The following INPP5A variants were observed in gnomAD, a reference collection of about 807,000 sequenced individuals.
INPP5A encodes the protein inositol polyphosphate-5-phosphatase A, also known as 43 kDa inositol polyphosphate 5-phophatase.
A neutral mutation model predicts 65.2 loss-of-function variants in INPP5A; 14 were observed. The ratio of observed to expected loss-of-function variants is 0.21; its 90% CI spans 0.14 to 0.34. INPP5A has a LOEUF of 0.34. Ranked by LOEUF, INPP5A falls within the 10% of genes least tolerant of loss-of-function variation. The pLI is 1.00. For synonymous variants in INPP5A, 207 were observed against 208.3 expected, an observed-to-expected ratio of 0.99 and a Z score of 0.05; for missense variants, 431 against 545.6, an observed-to-expected ratio of 0.79 and a Z score of 2.09.
At chr10:132,750,975 G>A (rs1828978228) in intron 11 of INPP5A, among the ~76,000 whole-genome samples, 1 of 152,210 alleles carries the variant, frequency 6.6e-6, no homozygotes, top group Non-Finnish European at 1.5e-5. Flanking sequence ...GGGTTTGGGG[G>A]CTTATGGGTG....
rs775083023 is a variant in INPP5A, at chr10:132,736,189, G to T, written c.732+9284G>T. Among the ~76,000 whole-genome samples, 22 of 152,252 alleles carry T rather than the reference G, an allele frequency of 1.4e-4. 1 individual carries two copies. The highest frequency in any genetic ancestry group is 1.5e-5 in the Non-Finnish European group (1 of 68,040). Reference sequence around the variant, plus strand: ...GTCAGTGATGCAGCCTGCGGCTCCAGCTGCTGCTGGGATGTTCAGAGGGTG... The same window carrying T: ...GTCAGTGATGCAGCCTGCGGCTCCATCTGCTGCTGGGATGTTCAGAGGGTG... On this transcript the variant is annotated intron_variant, in intron 9 of 15. Coordinates refer to ENST00000368594, the MANE Select transcript of INPP5A (RefSeq NM_005539.5).
rs1329958684 is a variant in INPP5A, at chr10:132,762,406, G to T, written c.904-3367G>T. On this transcript the variant is annotated intron_variant, in intron 11 of 15. Coordinates refer to ENST00000368594, the MANE Select transcript of INPP5A (RefSeq NM_005539.5). The surrounding 1 kb of genome is among the most constrained non-coding windows in gnomAD (Gnocchi z 4.6). ...GAATGCAAGTGGCGGCGGGTTTCCAGAACAACCACAAAAATACACACCAGG... is the reference window on the plus strand; with the variant it reads ...GAATGCAAGTGGCGGCGGGTTTCCATAACAACCACAAAAATACACACCAGG... Among the ~76,000 whole-genome samples the T allele has an allele frequency of 6.6e-6, 1 of 152,210 alleles. No individual in the cohort carries two copies. Among genetic ancestry groups the T allele is most frequent in the Non-Finnish European group, 1.5e-5 (1 of 68,046 alleles).
chr10:132,543,359 G>T (rs550561968), intron 1 of INPP5A, among the ~76,000 whole-genome samples: 2 of 152,018 alleles, frequency 1.3e-5, no homozygotes, highest in African/African-American at 4.8e-5. Flanking sequence ...TTCACTGAGC[G>T]TATGTAAAAG....
chr10:132,646,558 T>C (rs1404565471), intron 3 of INPP5A, among the ~76,000 whole-genome samples: 1 of 152,152 alleles, frequency 6.6e-6, no homozygotes, highest in African/African-American at 2.4e-5. Context: ...TCCTATAGGC[T>C]GTTGCTAATA....
chr10:132,647,398 A>G (rs933578973), intron 3 of INPP5A, among the ~76,000 whole-genome samples: 51 of 152,184 alleles, frequency 3.4e-4, no homozygotes, highest in African/African-American at 1.2e-3. Flanking sequence ...GATTACAGGC[A>G]TGAACCACCA....
chr10:132,643,935 T>C (rs1038569641), intron 2 of INPP5A, among the ~76,000 whole-genome samples: 2 of 152,122 alleles, frequency 1.3e-5, no homozygotes, highest in African/African-American at 4.8e-5. Flanking sequence ...GCCTCTTCCA[T>C]GCCAGGGAGG....
At chr10:132,735,163 C>T (rs1461537664) in intron 9 of INPP5A, among the ~76,000 whole-genome samples, 1 of 152,204 alleles carries the variant, frequency 6.6e-6, no homozygotes, top group African/African-American at 2.4e-5. Context: ...TCTGCAACCC[C>T]CCGTGTGGAG....
intron 6 of INPP5A, among the ~76,000 whole-genome samples, chr10:132,702,160 G>A (rs1156596672): frequency 6.6e-6 from 1 of 152,146 alleles, no homozygotes; most frequent in Non-Finnish European, 1.5e-5. Context: ...TACCTCAAAA[G>A]GAACTTATTT....
Position 132,698,156 on chromosome 10 carries a change from CAT to C in INPP5A, c.474+240_474+241del, listed in dbSNP as rs564790473. Reference sequence around the variant, plus strand: ...AGTAATCAGTAAGTTCCTGAATCCTCATATCCAGGAGAAAGAACCTTCGCCAA... The same window carrying C: ...AGTAATCAGTAAGTTCCTGAATCCTCATCCAGGAGAAAGAACCTTCGCCAA... On this transcript the variant is annotated intron_variant, in intron 6 of 15. Coordinates refer to ENST00000368594, the MANE Select transcript of INPP5A (RefSeq NM_005539.5). The surrounding 1 kb of genome is among the most constrained non-coding windows in gnomAD (Gnocchi z 5.5). 4.7e-3 allele frequency among the ~76,000 whole-genome samples: 716 copies of C among 152,336 alleles called. 6 individuals carry two copies. Among genetic ancestry groups the C allele is most frequent in the Non-Finnish European group, 6.4e-3 (437 of 68,044 alleles).
At chr10:132,687,622 T>A (rs1481934440) in intron 4 of INPP5A, among the ~76,000 whole-genome samples, 1 of 152,238 alleles carries the variant, frequency 6.6e-6, no homozygotes, top group Non-Finnish European at 1.5e-5. Context: ...CCCTGTCATC[T>A]AGCCTGGGGG....
At chr10:132,763,809 G>A (rs576452041) in intron 11 of INPP5A, among the ~76,000 whole-genome samples, 68 of 151,686 alleles carry the variant, frequency 4.5e-4, no homozygotes, top group Middle Eastern at 6.9e-3. Flanking sequence ...ACACATGCCT[G>A]TACACGCATA....
At chr10:132,688,481 A>G (rs1014253322) in intron 4 of INPP5A, among the ~76,000 whole-genome samples, 2 of 152,210 alleles carry the variant, frequency 1.3e-5, no homozygotes, top group African/African-American at 4.8e-5. Flanking sequence ...TTAGAGAGAC[A>G]ATAGCTCTGC....
In INPP5A at chr10:132,627,439, T is replaced by C. The variant is rs2072200001; in HGVS notation, c.118-18429T>C. ...TGGAGGGCGGTGGGGCTGGCGGTGC[T>C]GGGCGCGGCTCCCAAGATGCGTGCA... On this transcript the variant is annotated intron_variant, in intron 2 of 15. Coordinates refer to ENST00000368594, the MANE Select transcript of INPP5A (RefSeq NM_005539.5). This position sits in a 1 kb window ranked among gnomAD's most constrained non-coding sequence, Gnocchi z 6.6. Among the ~76,000 whole-genome samples the C allele has an allele frequency of 6.6e-6, 1 of 152,090 alleles. No individual in the cohort carries two copies. The highest frequency in any genetic ancestry group is 6.5e-5 in the Admixed American group (1 of 15,274).
intron 1 of INPP5A, among the ~76,000 whole-genome samples, chr10:132,553,774 G>A (rs2071086918): frequency 7.0e-6 from 1 of 143,226 alleles, no homozygotes; most frequent in Non-Finnish European, 1.5e-5. Flanking sequence ...AGTAGGATAG[G>A]GAGGGAGGAT....
At chr10:132,579,243 A>G (rs1480250029) in intron 1 of INPP5A, among the ~76,000 whole-genome samples, 2 of 144,028 alleles carry the variant, frequency 1.4e-5, no homozygotes, top group African/African-American at 5.3e-5. Flanking sequence ...CCGGTGACGG[A>G]GGGGACCGCG....
At chr10:132,596,542 C>G (rs2071691309) in intron 1 of INPP5A, among the ~76,000 whole-genome samples, 1 of 152,118 alleles carries the variant, frequency 6.6e-6, no homozygotes, top group Admixed American at 6.5e-5. Context: ...ATTCCCCTGC[C>G]TCAGCCTCCT....
chr10:132,747,299 C>A (rs577610749), intron 9 of INPP5A, among the ~76,000 whole-genome samples: 1 of 152,374 alleles, frequency 6.6e-6, no homozygotes, highest in East Asian at 1.9e-4. Flanking sequence ...TTGAAGGCTC[C>A]AGACTGATTT....
At chr10:132,690,276 A>G in intron 4 of INPP5A, 116 bp from the exon 5 acceptor site, 1 of 730,376 alleles carries the variant, frequency 1.4e-6, no homozygotes, top group East Asian at 2.5e-5. Flanking sequence ...ATTAAATTAT[A>G]ACTGGTGAAA....
Position 132,627,349 on chromosome 10 carries a change from G to A in INPP5A, c.118-18519G>A, listed in dbSNP as rs1173047393. On this transcript the variant is annotated intron_variant, in intron 2 of 15. Transcript: ENST00000368594. This position sits in a 1 kb window ranked among gnomAD's most constrained non-coding sequence, Gnocchi z 6.6. ...GAGGCTTCACGGGGAGACCGGGGCC[G>A]GGAGCTGCTGCTGGCTCCACACCTG... 2.0e-5 allele frequency among the ~76,000 whole-genome samples: 3 copies of A among 152,118 alleles called. No individual in the cohort carries two copies. The highest frequency in any genetic ancestry group is 2.9e-5 in the Non-Finnish European group (2 of 68,012).
Sources: gnomAD v4.1 joint callset for allele counts (sites outside exome capture counted in the v4.1 genomes callset) on GRCh38, gnomAD v4.1.1 for gene constraint, Gnocchi (gnomAD v3.1) non-coding constraint, MANE v1.5 for transcripts, NCBI Gene and HGNC (gene_info 2026-07-23, HGNC 2026-07-21) for gene names.